The following COG6 variants were observed in gnomAD, a reference collection of about 807,000 sequenced individuals.
COG6 encodes the protein component of oligomeric golgi complex 6, also known as conserved oligomeric Golgi complex subunit 6.
A neutral mutation model predicts 88.8 loss-of-function variants in COG6; 74 were observed. That is an observed-to-expected ratio of 0.83 (90% CI 0.69 to 1.01). COG6 has a LOEUF of 1.01. Among genes scored for constraint, COG6 ranks in the 50% least tolerant of loss-of-function variants. The pLI is 0.00. For missense variants in COG6, 800 were observed against 797.9 expected (o/e 1.00, Z -0.03); for synonymous variants, 286 against 278.7 (o/e 1.03, Z -0.26).
rs1247472127 is a variant in COG6, at chr13:39,743,812, T to G, written c.1827-7134T>G. On this transcript the variant is annotated intron_variant, in intron 18 of 18. Coordinates refer to ENST00000455146, the MANE Select transcript of COG6 (RefSeq NM_020751.3). ...AGAGACACAACAAAAAAAGAGAATTTTAGACCAATATCCCTGATGAACATC... is the reference window on the plus strand; with the variant it reads ...AGAGACACAACAAAAAAAGAGAATTGTAGACCAATATCCCTGATGAACATC... 7.2e-5 allele frequency among the ~76,000 whole-genome samples: 11 copies of G among 152,170 alleles called. 1 individual carries two copies. In the South Asian group the frequency reaches 2.1e-3, roughly 29 times the overall value.
chr13:39,704,082 A>AT (rs772070898), intron 13 of COG6, among the ~76,000 whole-genome samples: 1 of 152,064 alleles, frequency 6.6e-6, no homozygotes, highest in Non-Finnish European at 1.5e-5. Flanking sequence ...ACTGAAGTTT[A>AT]TTATTGTTCA....
At chr13:39,679,442 GAA>G in intron 5 of COG6, 94 bp from the exon 6 acceptor site, 1 of 759,048 alleles carries the variant, frequency 1.3e-6, no homozygotes, top group Non-Finnish European at 2.4e-6. Context: ...TAAAATAGGT[GAA>G]AGAGTTTGTT....
intron 18 of COG6, among the ~76,000 whole-genome samples, chr13:39,728,163 A>G (rs1322197833): frequency 6.6e-6 from 1 of 152,186 alleles, no homozygotes; most frequent in Non-Finnish European, 1.5e-5. Flanking sequence ...CAGTGCAGTA[A>G]GTGTTTTCTA....
intron 13 of COG6, among the ~76,000 whole-genome samples, chr13:39,701,660 G>A (rs1877586339): frequency 6.6e-6 from 1 of 151,916 alleles, no homozygotes; most frequent in Non-Finnish European, 1.5e-5. Context: ...TCAAGTAGGA[G>A]GCTTGTTATC....
intron 18 of COG6, among the ~76,000 whole-genome samples, chr13:39,743,716 C>G (rs1386330139): frequency 6.6e-6 from 1 of 152,074 alleles, no homozygotes. Context: ...AACTTCCAAT[C>G]AATAGAAAAA....
At position 39,752,162 on chromosome 13, in the gene COG6, T is replaced by C. The variant is rs1301060762; in HGVS notation, c.*1069T>C. The C allele has an allele frequency of 8.4e-7, 1 of 1,191,260 alleles. No homozygotes were observed. The highest frequency in any genetic ancestry group is 1.1e-6 in the Non-Finnish European group (1 of 926,514). The allele number at this position is 1,191,260 out of a possible 1,614,324, so 73.8% of individuals were successfully genotyped here. A position where few individuals can be genotyped will look rare whatever the true frequency, so the allele number is the denominator to read the frequency against. On this transcript the variant is annotated 3_prime_UTR_variant, in exon 19 of 19. Transcript: ENST00000455146. ...TTCTTGTCAGCAAAAAAAAACTTAA[T>C]TTCTAGTAAATCTATAAAAATGGGT... is the stretch of plus-strand genomic sequence containing the variant.
intron 13 of COG6, among the ~76,000 whole-genome samples, chr13:39,700,331 A>G (rs1877509185): frequency 2.0e-5 from 3 of 151,902 alleles, no homozygotes; most frequent in Admixed American, 2.0e-4. Context: ...TAAAATAGTC[A>G]GTAGCAATTT....
At chr13:39,661,415 CAATCATG>C (rs1424916088) in intron 3 of COG6, among the ~76,000 whole-genome samples, 3 of 152,098 alleles carry the variant, frequency 2.0e-5, no homozygotes, top group Admixed American at 2.0e-4. Context: ...TCCTAAGGGC[CAATCATG>C]ATTATGTCTA....
intron 1 of COG6, among the ~76,000 whole-genome samples, chr13:39,657,809 T>C (rs2137937943): frequency 6.6e-6 from 1 of 152,316 alleles, no homozygotes; most frequent in Non-Finnish European, 1.5e-5. Context: ...AAAAATCTTG[T>C]ACTTTCATGG....
chr13:39,751,411 A>C lies in COG6; in HGVS notation c.*318A>C, dbSNP rs753695891. 1 of 1,308,336 alleles carries C rather than the reference A, an allele frequency of 7.6e-7. No individual in the cohort carries two copies. Among genetic ancestry groups the C allele is most frequent in the South Asian group, 1.3e-5 (1 of 79,368 alleles). 81.0% of individuals were successfully genotyped at this position (1,308,336 alleles called of 1,614,324 possible). On this transcript the variant is annotated 3_prime_UTR_variant, in exon 19 of 19. Transcript: ENST00000455146. ...AAAGGTTTGAAGAATTTTTTTTTAC[A>C]AGACTAGTTCTAAATTAACAGCTTA...
At chr13:39,721,842 T>A (rs1438862988) in intron 15 of COG6, among the ~76,000 whole-genome samples, 2 of 152,106 alleles carry the variant, frequency 1.3e-5, no homozygotes, top group Non-Finnish European at 2.9e-5. Flanking sequence ...TTTTTAGTAA[T>A]CTAGTCCCTT....
intron 15 of COG6, among the ~76,000 whole-genome samples, chr13:39,721,888 A>C (rs1280402804): frequency 6.6e-6 from 1 of 151,994 alleles, no homozygotes; most frequent in South Asian, 2.1e-4. Context: ...CATTGAGTTT[A>C]TATGTTTTCC....
intron 18 of COG6, among the ~76,000 whole-genome samples, chr13:39,773,449 A>G (rs2138179559): frequency 6.6e-6 from 1 of 152,366 alleles, no homozygotes; most frequent in Non-Finnish European, 1.5e-5. Context: ...CAGGGACACC[A>G]TAATTCTCAA....
Position 39,712,581 on chromosome 13 carries a change from G to T in COG6, c.1285-6655G>T, listed in dbSNP as rs547531317. On this transcript the variant is annotated intron_variant, in intron 13 of 18. Coordinates refer to ENST00000455146, the MANE Select transcript of COG6 (RefSeq NM_020751.3). ...AAAGATAGAGCAGTTAAGAAGATAT[G>T]TGCCTGAAATAAGGAGTCTAATCTG... Among the ~76,000 whole-genome samples the T allele has an allele frequency of 2.6e-5, 4 of 152,326 alleles. No individual in the cohort carries two copies. In the South Asian group the frequency reaches 8.3e-4, roughly 32 times the overall value.
intron 13 of COG6, among the ~76,000 whole-genome samples, chr13:39,716,952 ATTTC>A (rs1021866612): frequency 1.3e-5 from 2 of 152,100 alleles, no homozygotes; most frequent in African/African-American, 4.8e-5. Context: ...CCAGTGCTCT[ATTTC>A]TTTATGTGGA....
chr13:39,717,704 C>T (rs1354572856), intron 13 of COG6, among the ~76,000 whole-genome samples: 1 of 151,778 alleles, frequency 6.6e-6, no homozygotes, highest in African/African-American at 2.4e-5. Flanking sequence ...ACCATCTCTA[C>T]AAAAAAGAAA....
intron 13 of COG6, among the ~76,000 whole-genome samples, chr13:39,713,160 A>G (rs1250097947): frequency 6.6e-6 from 1 of 152,174 alleles, no homozygotes; most frequent in African/African-American, 2.4e-5. Flanking sequence ...TTTCCAAGGA[A>G]GTGGAGTGTG....
In COG6 at chr13:39,699,614, A is replaced by G. The variant is rs746594642; in HGVS notation, c.1280A>G (p.Asp427Gly). ...AGTCTTCATGCAAGTAAATTAATGG[A>G]CAAGGTATGTTTGAAAAATGTAATT... ...SLSLHASKLM[D>G]KVELPPPDLG... Residue 427 changes from aspartate (D) to glycine (G), a missense_variant, in exon 13 of 19, where the codon GAC becomes GGC. Coordinates refer to ENST00000455146, the MANE Select transcript of COG6 (RefSeq NM_020751.3). 1.5e-6 allele frequency: 2 copies of G among 1,300,758 alleles called. No homozygotes were observed. The highest frequency in any genetic ancestry group is 2.2e-6 in the Non-Finnish European group (2 of 895,576). The allele number at this position is 1,300,758 out of a possible 1,614,324, so 80.6% of individuals were successfully genotyped here.
At chr13:39,721,266 G>A (rs1012806565) in intron 15 of COG6, among the ~76,000 whole-genome samples, 3 of 152,022 alleles carry the variant, frequency 2.0e-5, no homozygotes, top group Non-Finnish European at 4.4e-5. Flanking sequence ...CTTGGTCTAT[G>A]TGCTAAATTA....
Sources: allele counts gnomAD v4.1 joint callset (sites outside exome capture counted in the v4.1 genomes callset), GRCh38; gene constraint gnomAD v4.1.1; transcripts MANE v1.5; gene names NCBI Gene and HGNC (gene_info 2026-07-23, HGNC 2026-07-21).